PDCD1LG2: variants seen among roughly 807,000 people sequenced by gnomAD.
The protein encoded by PDCD1LG2 is B7 dendritic cell molecule.
PDCD1LG2 carries 32 observed loss-of-function variants against 28.2 expected under a neutral mutation model. The observed-to-expected ratio is 1.13, with a 90% confidence interval of 0.86 to 1.52. PDCD1LG2 has a LOEUF of 1.52. Among genes scored for constraint, PDCD1LG2 ranks in the 40% most tolerant of loss-of-function variants. The pLI, the probability that PDCD1LG2 is intolerant of heterozygous loss-of-function variation, is 0.00. For missense variants in PDCD1LG2, 385 were observed against 323.8 expected (o/e 1.19, Z -1.45); for synonymous variants, 116 against 120.2 (o/e 0.97, Z 0.23).
chr9:5,561,904 T>A (rs956535869), intron 5 of PDCD1LG2, among the ~76,000 whole-genome samples: 7 of 152,146 alleles, frequency 4.6e-5, no homozygotes, highest in Non-Finnish European at 7.4e-5. Flanking sequence ...CAGGCATAAA[T>A]GAGGTACCCA....
chr9:5,561,978 C>G (rs546011239), intron 5 of PDCD1LG2, among the ~76,000 whole-genome samples: 1 of 152,238 alleles, frequency 6.6e-6, no homozygotes, highest in East Asian at 1.9e-4. Flanking sequence ...AAATGCAAAC[C>G]CTCATGAAAG....
chr9:5,517,310 C>T (rs922635483), intron 1 of PDCD1LG2, among the ~76,000 whole-genome samples: 8 of 152,156 alleles, frequency 5.3e-5, no homozygotes, highest in African/African-American at 7.2e-5. Context: ...ATTGGATCTG[C>T]GGAAGAGGCC....
chr9:5,527,177 T>G (rs1007121996), intron 2 of PDCD1LG2, among the ~76,000 whole-genome samples: 1 of 152,228 alleles, frequency 6.6e-6, no homozygotes, highest in African/African-American at 2.4e-5. Context: ...ATGTTTAAAT[T>G]TATATACCAT....
intron 3 of PDCD1LG2, among the ~76,000 whole-genome samples, chr9:5,542,152 C>T (rs1448803512): frequency 1.6e-4 from 25 of 152,124 alleles, no homozygotes. Flanking sequence ...AAACTGGATC[C>T]TCATATCTTA....
At chr9:5,554,218 A>C (rs918976822) in intron 4 of PDCD1LG2, among the ~76,000 whole-genome samples, 2 of 152,188 alleles carry the variant, frequency 1.3e-5, no homozygotes, top group Admixed American at 6.5e-5. Context: ...CTGTGTTCAT[A>C]ATAAGTGCTC....
chr9:5,534,852 A>C lies in PDCD1LG2; in HGVS notation c.163A>C (p.Ile55Leu), dbSNP rs373050561. ...DTGSHVNLGA[I>L]TASLQKVEND... is the part of the protein sequence containing the mutation. ...TGGAAGTCATGTGAACCTTGGAGCA[A>C]TAACAGCCAGTTTGCAAAAGGTGGA... The change falls in exon 3 of 7, where the codon ATA becomes CTA. Residue 55 changes from isoleucine (I) to leucine (L), a missense_variant. Physicochemically the swap from Ile to Leu is conservative, Grantham distance 5. Coordinates refer to ENST00000397747, the MANE Select transcript of PDCD1LG2 (RefSeq NM_025239.4). The C allele has an allele frequency of 2.4e-5, 38 of 1,614,222 alleles. No homozygotes were observed. The African/African-American group carries it at 3.7e-4, about 16-fold the overall frequency.
chr9:5,537,532 T>C (rs1586804804), intron 3 of PDCD1LG2, among the ~76,000 whole-genome samples: 1 of 152,206 alleles, frequency 6.6e-6, no homozygotes. Flanking sequence ...GTATACACCA[T>C]AGAATACTAT....
chr9:5,522,671 G>A (rs2129727618), intron 2 of PDCD1LG2, 70 bp downstream of exon 2: 2 of 1,420,530 alleles, frequency 1.4e-6, no homozygotes, highest in South Asian at 2.3e-5. Flanking sequence ...AGCCAAAAAT[G>A]AGAATGTGGC....
intron 3 of PDCD1LG2, among the ~76,000 whole-genome samples, chr9:5,541,828 T>C (rs1300585481): frequency 6.6e-6 from 1 of 151,470 alleles, no homozygotes; most frequent in Non-Finnish European, 1.5e-5. Flanking sequence ...GAAAAAGAAA[T>C]CCTAAAATTC....
intron 5 of PDCD1LG2, among the ~76,000 whole-genome samples, chr9:5,559,729 T>C (rs1816521275): frequency 6.6e-6 from 1 of 152,236 alleles, no homozygotes; most frequent in African/African-American, 2.4e-5. Flanking sequence ...TTTGCTATAA[T>C]AGGCTTTTAA....
At chr9:5,549,236 T>C (rs1055961414) in intron 3 of PDCD1LG2, 99 bp from the exon 4 acceptor site, 2 of 1,109,914 alleles carry the variant, frequency 1.8e-6, no homozygotes, top group African/African-American at 1.6e-5. Flanking sequence ...TACTTAATAT[T>C]GATAGTGATA....
intron 5 of PDCD1LG2, among the ~76,000 whole-genome samples, chr9:5,558,344 GTT>G (rs1437176823): frequency 6.6e-6 from 1 of 152,200 alleles, no homozygotes; most frequent in Non-Finnish European, 1.5e-5. Context: ...CTCCTGTTCT[GTT>G]GTACCAGCTG....
chr9:5,538,285 T>C (rs1477131323), intron 3 of PDCD1LG2, among the ~76,000 whole-genome samples: 1 of 152,196 alleles, frequency 6.6e-6, no homozygotes, highest in Non-Finnish European at 1.5e-5. Context: ...GTTTCATACA[T>C]ATTCTTTTGT....
At chr9:5,557,823 A>G (rs2129923764) in intron 5 of PDCD1LG2, 71 bp downstream of exon 5, 1 of 1,566,716 alleles carries the variant, frequency 6.4e-7, no homozygotes, top group Non-Finnish European at 8.8e-7. Context: ...TTTGCACTGC[A>G]GGCCTATGGC....
intron 3 of PDCD1LG2, among the ~76,000 whole-genome samples, chr9:5,536,334 G>C (rs1430862878): frequency 1.3e-5 from 2 of 152,130 alleles, no homozygotes; most frequent in Non-Finnish European, 2.9e-5. Context: ...CAGAGACTTG[G>C]TTAAAAGACC....
intron 2 of PDCD1LG2, among the ~76,000 whole-genome samples, chr9:5,527,534 T>C (rs865866547): frequency 5.9e-5 from 9 of 152,270 alleles, no homozygotes; most frequent in Non-Finnish European, 1.0e-4. Context: ...ATGTATACTA[T>C]ATTTTGTTTA....
chr9:5,543,278 A>G (rs540301129), intron 3 of PDCD1LG2, among the ~76,000 whole-genome samples: 21 of 152,158 alleles, frequency 1.4e-4, no homozygotes, highest in South Asian at 6.2e-4. Context: ...GGTTGCTCAC[A>G]CCTGTAATCC....
chr9:5,549,499 G>C lies in PDCD1LG2; in HGVS notation c.526G>C (p.Val176Leu), dbSNP rs771698151. Residue 176 changes from valine (V) to leucine (L), a missense_variant, in exon 4 of 7, where the codon GTC becomes CTC. By Grantham distance (32) the Val-to-Leu change is conservative (BLOSUM62 1). Coordinates refer to ENST00000397747, the MANE Select transcript of PDCD1LG2 (RefSeq NM_025239.4). ...CAGGACCCCTGAAGGCCTCTACCAG[G>C]TCACCAGTGTTCTGCGCCTAAAGCC... ...HSRTPEGLYQ[V>L]TSVLRLKPPP... 12 of 1,614,048 alleles carry C rather than the reference G, an allele frequency of 7.4e-6. No homozygotes were observed. The highest frequency in any genetic ancestry group is 8.5e-7 in the Non-Finnish European group (1 of 1,180,032).
chr9:5,515,492 C>T (rs1172000853), intron 1 of PDCD1LG2, among the ~76,000 whole-genome samples: 1 of 152,116 alleles, frequency 6.6e-6, no homozygotes, highest in Non-Finnish European at 1.5e-5. Flanking sequence ...AGAGGAGCTT[C>T]GTTGAGTGAC....
Sources: allele counts gnomAD v4.1 joint callset (sites outside exome capture counted in the v4.1 genomes callset), GRCh38; gene constraint gnomAD v4.1.1; transcripts MANE v1.5; gene names NCBI Gene and HGNC (gene_info 2026-07-23, HGNC 2026-07-21).